UBR3: variants seen among roughly 807,000 people sequenced by gnomAD.
The protein encoded by UBR3 is ubiquitin protein ligase E3 component n-recognin 3.
Under a neutral mutation model 243.2 loss-of-function variants are expected in UBR3, and 85 were observed. The ratio of observed to expected loss-of-function variants is 0.35; its 90% CI spans 0.29 to 0.42. UBR3 has a LOEUF of 0.42. Ranked by LOEUF, UBR3 falls within the 10% of genes least tolerant of loss-of-function variation. The pLI is 1.00. For missense variants in UBR3, 1,686 were observed against 2,300.8 expected, an observed-to-expected ratio of 0.73 and a Z score of 5.47; for synonymous variants, 748 against 799.8, an observed-to-expected ratio of 0.94 and a Z score of 1.09.
intron 30 of UBR3, among the ~76,000 whole-genome samples, chr2:170,025,188 A>T (rs1259236248): frequency 6.6e-6 from 1 of 152,214 alleles, no homozygotes; most frequent in Non-Finnish European, 1.5e-5. Context: ...ACAAAAATGT[A>T]AAGACACAAT....
intron 11 of UBR3, among the ~76,000 whole-genome samples, chr2:169,918,307 C>T (rs796676293): frequency 3.5e-5 from 5 of 141,622 alleles, no homozygotes; most frequent in Non-Finnish European, 3.0e-5. Context: ...TATATTTTTA[C>T]TTTTTTTTTT....
intron 35 of UBR3, among the ~76,000 whole-genome samples, chr2:170,067,412 A>G (rs922550714): frequency 6.6e-6 from 1 of 152,212 alleles, no homozygotes. Flanking sequence ...ACAAATCTAC[A>G]TTATATTTGG....
chr2:169,950,481 G>A (rs2105361838), intron 23 of UBR3, among the ~76,000 whole-genome samples: 1 of 152,060 alleles, frequency 6.6e-6, no homozygotes, highest in Middle Eastern at 3.4e-3. Context: ...ATTAATATAT[G>A]ATTGCTGATT....
chr2:170,064,803 A>ATTTTTT, intron 35 of UBR3, among the ~76,000 whole-genome samples: 4 of 87,852 alleles, frequency 4.6e-5, no homozygotes, highest in Non-Finnish European at 4.5e-5. Flanking sequence ...TGCTTTTTCT[A>ATTTTTT]TTTTTTTTTT....
At chr2:170,020,272 CA>C (rs1482642428) in intron 30 of UBR3, among the ~76,000 whole-genome samples, 1 of 151,978 alleles carries the variant, frequency 6.6e-6, no homozygotes, top group Non-Finnish European at 1.5e-5. Flanking sequence ...TTATAATGGT[CA>C]AAAGGTATAA....
chr2:170,023,412 T>A (rs1002454457), intron 30 of UBR3, among the ~76,000 whole-genome samples: 4 of 15,620 alleles, frequency 2.6e-4, no homozygotes, highest in African/African-American at 6.8e-4. Flanking sequence ...TTTATGAAAA[T>A]TTTTTTTTTT....
intron 24 of UBR3, among the ~76,000 whole-genome samples, chr2:169,962,076 G>T (rs1460940552): frequency 6.6e-6 from 1 of 151,772 alleles, no homozygotes; most frequent in Non-Finnish European, 1.5e-5. Flanking sequence ...CTCTCTCTTG[G>T]ATTACTCATT....
At position 169,949,778 on chromosome 2, in the gene UBR3, A is replaced by G; in HGVS notation, c.3258A>G (p.Lys1086=). The change falls in exon 23 of 39, where the codon AAA becomes AAG. Residue 1086 remains lysine, a synonymous_variant. Coordinates refer to ENST00000272793, the MANE Select transcript of UBR3 (RefSeq NM_172070.4). ...PQLTTAILEI[K]ESILSLLIKL... ...TAACTACAGCCATTTTGGAAATTAA[A>G]GAAAGCATATTGTCTTTGCTAATTA... 6.4e-7 allele frequency: 1 copy of G among 1,551,712 alleles called. No individual in the cohort carries two copies. Among genetic ancestry groups the G allele is most frequent in the African/African-American group, 1.4e-5 (1 of 73,174 alleles).
intron 11 of UBR3, among the ~76,000 whole-genome samples, chr2:169,921,477 A>G (rs1310694865): frequency 6.6e-6 from 1 of 152,236 alleles, no homozygotes; most frequent in Non-Finnish European, 1.5e-5. Context: ...TATGGACTTT[A>G]ACGTTATGGA....
chr2:169,948,736 C>T (rs2086885664), intron 22 of UBR3, among the ~76,000 whole-genome samples: 2 of 151,932 alleles, frequency 1.3e-5, no homozygotes, highest in South Asian at 2.1e-4. Context: ...TCATTTAACT[C>T]ACAAAAGCTC....
At chr2:169,989,271 T>C (rs1233987515) in intron 25 of UBR3, among the ~76,000 whole-genome samples, 1 of 152,132 alleles carries the variant, frequency 6.6e-6, no homozygotes, top group East Asian at 1.9e-4. Flanking sequence ...TGTTTAAAAT[T>C]TTCCCATTGT....
rs76439643 is a variant in UBR3, at chr2:170,066,512, G to GCCC, written c.5019+5074_5019+5076dup. On this transcript the variant is annotated intron_variant, in intron 35 of 38. Coordinates refer to ENST00000272793, the MANE Select transcript of UBR3 (RefSeq NM_172070.4). ...TCTCTGAGGGGCTCATGATTATCTA[G>GCCC]CCCCCCCACCTCCATAAAACTTGAA... Among the ~76,000 whole-genome samples, 700 of 151,896 alleles carry GCCC rather than the reference G, an allele frequency of 4.6e-3. 2 individuals are homozygous for GCCC. Among genetic ancestry groups the GCCC allele is most frequent in the Admixed American group, 0.012 (184 of 15,266 alleles).
intron 20 of UBR3, among the ~76,000 whole-genome samples, chr2:169,943,748 A>G (rs1306386599): frequency 6.6e-6 from 1 of 152,250 alleles, no homozygotes; most frequent in African/African-American, 2.4e-5. Flanking sequence ...ATTAAAAATT[A>G]AAAGAAATTC....
intron 35 of UBR3, 81 bp downstream of exon 35, chr2:170,061,524 G>A (rs1465358792): frequency 6.5e-7 from 1 of 1,545,956 alleles, no homozygotes; most frequent in African/African-American, 1.4e-5. Flanking sequence ...CTGGAGTGCA[G>A]TGGCACAATC....
At chr2:169,894,452 C>A (rs1483765664) in intron 6 of UBR3, among the ~76,000 whole-genome samples, 4 of 150,808 alleles carry the variant, frequency 2.7e-5, no homozygotes, top group Admixed American at 2.6e-4. Context: ...GATATTTTTG[C>A]CTTTCTGTAG....
intron 5 of UBR3, among the ~76,000 whole-genome samples, chr2:169,885,928 GGT>G (rs1014768602): frequency 6.6e-6 from 1 of 152,172 alleles, no homozygotes; most frequent in South Asian, 2.1e-4. Flanking sequence ...GGGAGGCCGA[GGT>G]GGGCGATCCC....
intron 23 of UBR3, among the ~76,000 whole-genome samples, chr2:169,950,901 A>AG (rs1491402312): frequency 1.3e-5 from 2 of 152,034 alleles, no homozygotes; most frequent in African/African-American, 2.4e-5. Flanking sequence ...AAAAAAAAAA[A>AG]GAGCATGCCT....
chr2:170,063,441 A>C (rs1404584807), intron 35 of UBR3, among the ~76,000 whole-genome samples: 1 of 150,688 alleles, frequency 6.6e-6, no homozygotes, highest in Non-Finnish European at 1.5e-5. Context: ...CCTTTTATTT[A>C]GTTTCTGTCA....
chr2:169,864,202 C>A (rs776075765), intron 1 of UBR3, among the ~76,000 whole-genome samples: 7 of 152,088 alleles, frequency 4.6e-5, no homozygotes, highest in Non-Finnish European at 1.0e-4. Flanking sequence ...CATGCCACCA[C>A]ATCTGGCTAA....
Sources: allele counts gnomAD v4.1 joint callset (sites outside exome capture counted in the v4.1 genomes callset), GRCh38; gene constraint gnomAD v4.1.1; transcripts MANE v1.5; gene names NCBI Gene and HGNC (gene_info 2026-07-23, HGNC 2026-07-21).